The following DCTN2 variants were observed in gnomAD, a reference collection of about 807,000 sequenced individuals.
The protein encoded by DCTN2 is dynactin subunit 2.
A neutral mutation model predicts 55.4 loss-of-function variants in DCTN2; 18 were observed. The observed-to-expected ratio is 0.32, with a 90% CI of 0.22 to 0.48. The LOEUF is 0.48. DCTN2 is among the 20% of genes least tolerant of loss of function. DCTN2 has a pLI of 0.99. For synonymous variants in DCTN2, 168 were observed against 185.2 expected (o/e 0.91, Z 0.76); for missense variants, 390 against 491.0 (o/e 0.79, Z 1.94).
At chr12:57,544,523 TCCTGCC>T (rs1225472985) in intron 2 of DCTN2, among the ~76,000 whole-genome samples, 1 of 151,338 alleles carries the variant, frequency 6.6e-6, no homozygotes, top group Non-Finnish European at 1.5e-5. Flanking sequence ...CAAGCAATTC[TCCTGCC>T]TCAGCCTCCA....
At chr12:57,535,354 G>A in intron 4 of DCTN2, 130 bp downstream of exon 4, 1 of 1,254,164 alleles carries the variant, frequency 8.0e-7, no homozygotes, top group Non-Finnish European at 1.1e-6. Context: ...TTCCCTGGCT[G>A]CATCCTGCTG....
chr12:57,540,131 T>G lies in DCTN2; in HGVS notation c.106-4286A>C, dbSNP rs1378690583. ...TGGTCGAGGCTGGGATGTCTCTGCATAGAGTGGGTGTAAGCACCCATAAGT... is the reference window on the plus strand; with the variant it reads ...TGGTCGAGGCTGGGATGTCTCTGCAGAGAGTGGGTGTAAGCACCCATAAGT... On this transcript the variant is annotated intron_variant, in intron 2 of 13. Transcript: ENST00000548249. 3.0e-6 allele frequency: 3 copies of G among 984,842 alleles called. No individual in the cohort carries two copies. In the East Asian group the frequency reaches 3.4e-4, roughly 112 times the overall value. The allele number at this position is 984,842 out of a possible 1,614,324, so 61.0% of individuals were successfully genotyped here.
chr12:57,538,481 AC>A, intron 2 of DCTN2: 1 of 759,814 alleles, frequency 1.3e-6, no homozygotes. Context: ...ATCATAGCAC[AC>A]CCCGTTAAAA....
At chr12:57,534,476 C>T (rs758783443) in intron 5 of DCTN2, 24 bp from the exon 6 acceptor site, 41 of 1,561,816 alleles carry the variant, frequency 2.6e-5, no homozygotes, top group African/African-American at 1.8e-4. Context: ...AGGTAGAAAT[C>T]GGGGGATGGC....
chr12:57,533,083 C>A, intron 8 of DCTN2, 61 bp from the exon 9 acceptor site: 1 of 1,563,100 alleles, frequency 6.4e-7, no homozygotes, highest in South Asian at 1.2e-5. Flanking sequence ...ATCGTCTTCT[C>A]CCATCTTTCC....
intron 2 of DCTN2, chr12:57,543,092 G>A (rs548926833): frequency 3.3e-5 from 15 of 449,316 alleles, no homozygotes; most frequent in African/African-American, 3.0e-4. Flanking sequence ...GCTCACGTCT[G>A]TAATCCCAGC....
At position 57,534,053 on chromosome 12, in the gene DCTN2, C is replaced by G. The variant is rs749922371; in HGVS notation, c.569G>C (p.Gly190Ala). The G allele has an allele frequency of 6.2e-6, 10 of 1,612,192 alleles. No homozygotes were observed. Among genetic ancestry groups the G allele is most frequent in the South Asian group, 2.2e-5 (2 of 90,748 alleles). Residue 190 changes from glycine to alanine, a missense_variant, in exon 7 of 14, where the codon GGA (glycine) becomes GCA (alanine). Physicochemically the swap from Gly to Ala is moderately conservative, Grantham distance 60 (BLOSUM62 0). Transcript: ENST00000548249. ...GGTCCCAGTGGTTTTTCCCCCTGAT[C>G]CCCCTTTGCTGTTCTTTGTTGCTTC... ...QLEATKNSKG[G>A]SGGKTTGTPP... is the part of the protein sequence containing the mutation.
intron 13 of DCTN2, among the ~76,000 whole-genome samples, chr12:57,531,516 TAAA>T (rs1476231715): frequency 6.6e-6 from 1 of 152,014 alleles, no homozygotes. Context: ...GACTCTGTCT[TAAA>T]AATAAAAAAC....
chr12:57,531,957 G>A, intron 13 of DCTN2, 58 bp downstream of exon 13: 2 of 1,551,304 alleles, frequency 1.3e-6, no homozygotes, highest in Non-Finnish European at 8.7e-7. Context: ...TATAACACTG[G>A]AGAACCTAGT....
intron 5 of DCTN2, 173 bp downstream of exon 5, chr12:57,534,883 T>C: frequency 1.8e-6 from 1 of 541,182 alleles, no homozygotes; most frequent in South Asian, 2.2e-5. Context: ...TTGGCCTGGC[T>C]GGTCTTGAAC....
At chr12:57,534,742 A>C (rs1594883931) in intron 5 of DCTN2, among the ~76,000 whole-genome samples, 2 of 152,304 alleles carry the variant, frequency 1.3e-5, no homozygotes, top group African/African-American at 4.8e-5. Context: ...ATCTGGGCTC[A>C]CTGCAACCTC....
intron 12 of DCTN2, 40 bp from the exon 13 acceptor site, chr12:57,532,146 A>G (rs1879787766): frequency 1.9e-6 from 3 of 1,552,706 alleles, no homozygotes; most frequent in Admixed American, 3.9e-5. Flanking sequence ...AATCCAAGAT[A>G]AGGGAGGGGA....
chr12:57,530,657 G>A lies in DCTN2; in HGVS notation c.*32C>T. ...TGTTAACAGAGTTCACAGGGGTAGGGATAACCCCTGTTCTCCAGCTCCCAA... is the reference window on the plus strand; with the variant it reads ...TGTTAACAGAGTTCACAGGGGTAGGAATAACCCCTGTTCTCCAGCTCCCAA... On this transcript the variant is annotated 3_prime_UTR_variant, in exon 14 of 14. Coordinates refer to ENST00000548249, the MANE Select transcript of DCTN2 (RefSeq NM_001261413.2). 6.4e-7 allele frequency: 1 copy of A among 1,564,942 alleles called. No individual in the cohort carries two copies. Among genetic ancestry groups the A allele is most frequent in the Non-Finnish European group, 8.8e-7 (1 of 1,136,332 alleles).
chr12:57,530,841 AG>A, intron 13 of DCTN2, 66 bp from the exon 14 acceptor site: 2 of 1,324,398 alleles, frequency 1.5e-6, no homozygotes, highest in Admixed American at 3.5e-5. Flanking sequence ...GAGGACCTGA[AG>A]GAATTCTCTG....
chr12:57,539,160 G>C (rs1880491405), intron 2 of DCTN2, among the ~76,000 whole-genome samples: 1 of 152,244 alleles, frequency 6.6e-6, no homozygotes, highest in Non-Finnish European at 1.5e-5. Context: ...CAGATGGTGA[G>C]TTAAAGGAAT....
rs969921482 is a variant in DCTN2, at chr12:57,530,612, A to C, written c.*77T>G. On this transcript the variant is annotated 3_prime_UTR_variant, in exon 14 of 14. Transcript: ENST00000548249. ...GATGGGGATGCTAGAGTTATAGTAA[A>C]GGGGAAACCCTATGTAAGCTGTTAA... is the stretch of plus-strand genomic sequence containing the variant. The C allele has an allele frequency of 3.9e-6, 5 of 1,287,368 alleles. No homozygotes were observed. Among genetic ancestry groups the C allele is most frequent in the Non-Finnish European group, 5.5e-6 (5 of 905,820 alleles). 79.7% of individuals were successfully genotyped at this position (1,287,368 alleles called of 1,614,324 possible).
chr12:57,545,921 G>T, intron 2 of DCTN2, 107 bp downstream of exon 2: 1 of 1,140,446 alleles, frequency 8.8e-7, no homozygotes, highest in Non-Finnish European at 1.3e-6. Flanking sequence ...ACCCAGGCTG[G>T]GGTTGGCATA....
rs778964851 is a variant in DCTN2 at position 57,532,219 on chromosome 12, C to T, written c.1021G>A (p.Glu341Lys). The T allele has an allele frequency of 2.4e-5, 38 of 1,555,120 alleles. No homozygotes were observed. The highest frequency in any genetic ancestry group is 4.1e-5 in the African/African-American group (3 of 73,162). ...CTGGCAGCTGGCCTCCCACCTTGCT[C>T]GTGCAGCTGCTTGATGGTGACAAGT... is the stretch of plus-strand genomic sequence containing the variant. The part of the protein sequence containing the change: ...QRLVTIKQLH[E>K]QAMQFGQLLT... Residue 341 changes from glutamate to lysine, a missense_variant, in exon 12 of 14, where the codon GAG becomes AAG. Physicochemically the swap from Glu to Lys is moderately conservative, Grantham distance 56. This residue lies in a region of DCTN2 where 273 missense variants were observed against 303.2 expected (regional missense o/e 0.90). Coordinates refer to ENST00000548249, the MANE Select transcript of DCTN2 (RefSeq NM_001261413.2).
At chr12:57,541,028 C>G (rs1291195993) in intron 2 of DCTN2, among the ~76,000 whole-genome samples, 4 of 152,168 alleles carry the variant, frequency 2.6e-5, no homozygotes, top group Admixed American at 1.3e-4. Flanking sequence ...TGATCTTAGT[C>G]TGAGGAGGAG....
Sources: allele counts gnomAD v4.1 joint callset (sites outside exome capture counted in the v4.1 genomes callset), GRCh38; gene constraint gnomAD v4.1.1; regional missense constraint gnomAD v4.1.1; transcripts MANE v1.5; gene names NCBI Gene and HGNC (gene_info 2026-07-23, HGNC 2026-07-21).